Variants in TMTC1 observed in about 807,000 individuals in gnomAD.
TMTC1 encodes transmembrane O-mannosyltransferase targeting cadherins 1.
TMTC1 carries 73 observed loss-of-function variants against 104.8 expected under a neutral mutation model. That is an observed-to-expected ratio of 0.70 (90% CI 0.58 to 0.85). The LOEUF (loss-of-function observed/expected upper bound fraction) is 0.85, where lower values mean the gene tolerates loss of function less well. Among genes scored for constraint, TMTC1 ranks in the 40% least tolerant of loss-of-function variants. TMTC1 has a pLI of 0.00. For missense variants in TMTC1, 1,035 were observed against 1,096.1 expected, an observed-to-expected ratio of 0.94 and a Z score of 0.79; for synonymous variants, 434 against 428.7, an observed-to-expected ratio of 1.01 and a Z score of -0.15.
chr12:29,592,905 G>A (rs1312263719), intron 7 of TMTC1, among the ~76,000 whole-genome samples: 2 of 152,136 alleles, frequency 1.3e-5, no homozygotes, highest in African/African-American at 4.8e-5. Flanking sequence ...TGCATTCCAG[G>A]TAGAAACAGA....
intron 1 of TMTC1, among the ~76,000 whole-genome samples, chr12:29,780,777 G>A (rs985031216): frequency 6.6e-6 from 1 of 152,182 alleles, no homozygotes; most frequent in Non-Finnish European, 1.5e-5. Context: ...ACCATTGGGG[G>A]AAATGGATAG....
At chr12:29,687,546 A>G (rs1433623348) in intron 5 of TMTC1, among the ~76,000 whole-genome samples, 1 of 149,286 alleles carries the variant, frequency 6.7e-6, no homozygotes, top group Non-Finnish European at 1.5e-5. Flanking sequence ...TTATTAAAAC[A>G]ACGGACACAG....
rs1013747648 is a variant in TMTC1 at position 29,506,602 on chromosome 12, G to T, written c.*244C>A. On this transcript the variant is annotated 3_prime_UTR_variant, in exon 18 of 18. Transcript: ENST00000539277. The stretch of plus-strand genomic sequence containing the variant: ...TAAACCAAACAAAAATCTGTAAAAT[G>T]TGTAAATGTCATTCTCCTTCCCTCT... 8.3e-6 allele frequency: 4 copies of T among 481,742 alleles called. No individual in the cohort carries two copies. In the Admixed American group the frequency reaches 1.3e-4, roughly 16 times the overall value. The allele number at this position is 481,742 out of a possible 1,614,324, so 29.8% of individuals were successfully genotyped here. A position where few individuals can be genotyped will look rare whatever the true frequency, so the allele number is the denominator to read the frequency against.
chr12:29,680,411 A>G (rs771520073), intron 5 of TMTC1, among the ~76,000 whole-genome samples: 10 of 152,208 alleles, frequency 6.6e-5, no homozygotes, highest in Non-Finnish European at 1.3e-4. Context: ...TAGAAAATAA[A>G]TAAGATGAGG....
intron 7 of TMTC1, among the ~76,000 whole-genome samples, chr12:29,597,009 C>G (rs1216320134): frequency 6.6e-6 from 1 of 152,132 alleles, no homozygotes; most frequent in Non-Finnish European, 1.5e-5. Flanking sequence ...TCCCAAGTCT[C>G]GCTTCATGAC....
At chr12:29,607,838 T>G (rs1369991822) in intron 6 of TMTC1, among the ~76,000 whole-genome samples, 1 of 152,180 alleles carries the variant, frequency 6.6e-6, no homozygotes, top group Non-Finnish European at 1.5e-5. Context: ...TACAAAGATT[T>G]CTTGAAAACC....
At chr12:29,749,900 C>T (rs1943046751) in intron 5 of TMTC1, among the ~76,000 whole-genome samples, 1 of 152,092 alleles carries the variant, frequency 6.6e-6, no homozygotes, top group South Asian at 2.1e-4. Flanking sequence ...CTCATCTCTT[C>T]ATTGCAGTTT....
chr12:29,664,707 G>A (rs1361335825), intron 5 of TMTC1, among the ~76,000 whole-genome samples: 3 of 152,176 alleles, frequency 2.0e-5, no homozygotes, highest in African/African-American at 7.2e-5. Context: ...TCTAAAGGAG[G>A]AGAACATAAA....
At chr12:29,775,575 TG>T (rs1346175021) in intron 1 of TMTC1, among the ~76,000 whole-genome samples, 1 of 152,182 alleles carries the variant, frequency 6.6e-6, no homozygotes, top group African/African-American at 2.4e-5. Context: ...TGAGCATAAA[TG>T]TTCTATTTCT....
At chr12:29,580,123 C>G (rs921936417) in intron 8 of TMTC1, among the ~76,000 whole-genome samples, 1 of 152,090 alleles carries the variant, frequency 6.6e-6, no homozygotes, top group African/African-American at 2.4e-5. Context: ...TAGAGACCAG[C>G]CTGGGCAACA....
At chr12:29,752,730 A>T (rs1046865410) in intron 4 of TMTC1, among the ~76,000 whole-genome samples, 3 of 152,230 alleles carry the variant, frequency 2.0e-5, no homozygotes, top group African/African-American at 7.2e-5. Context: ...AAATGAAAAA[A>T]AAAAGCAAGT....
intron 5 of TMTC1, among the ~76,000 whole-genome samples, chr12:29,744,329 A>C (rs911060110): frequency 2.6e-5 from 4 of 152,264 alleles, no homozygotes; most frequent in Non-Finnish European, 1.5e-5. Context: ...CAGCACACCA[A>C]CATGGCACAT....
chr12:29,596,294 ACTGTGC>A (rs1465796469), intron 7 of TMTC1, among the ~76,000 whole-genome samples: 1 of 152,188 alleles, frequency 6.6e-6, no homozygotes, highest in East Asian at 1.9e-4. Flanking sequence ...GGTGTGACCC[ACTGTGC>A]CTGGCTGACG....
In TMTC1 at chr12:29,771,926, A is replaced by T. The variant is rs368737310; in HGVS notation, c.303-3851T>A. On this transcript the variant is annotated intron_variant, in intron 1 of 17. Transcript: ENST00000539277. ...TTGCCATATTTATGGCTACATCCAC[A>T]GTGTCTAGCACAATGCCTCATTCAT... Among the ~76,000 whole-genome samples the T allele has an allele frequency of 7.1e-3, 1,082 of 152,324 alleles. 11 individuals are homozygous for T. Among genetic ancestry groups the T allele is most frequent in the African/African-American group, 0.024 (1,007 of 41,574 alleles).
At chr12:29,618,062 G>A (rs149091233) in intron 6 of TMTC1, among the ~76,000 whole-genome samples, 12 of 152,330 alleles carry the variant, frequency 7.9e-5, no homozygotes, top group African/African-American at 2.9e-4. Flanking sequence ...CGGTGGCTTG[G>A]ACAGGGTAAA....
Position 29,691,567 on chromosome 12 carries a change from C to T in TMTC1, c.939-58231G>A, listed in dbSNP as rs1050033447. On this transcript the variant is annotated intron_variant, in intron 5 of 17. Transcript: ENST00000539277. Reference sequence around the variant, plus strand: ...CAAGGTGAAACCCGTTGGGTGGTTACAGTGACTGTCAAACTGACCATTACC... The same window carrying T: ...CAAGGTGAAACCCGTTGGGTGGTTATAGTGACTGTCAAACTGACCATTACC... Among the ~76,000 whole-genome samples the T allele has an allele frequency of 9.9e-5, 14 of 141,318 alleles. 1 individual carries two copies. Among genetic ancestry groups the T allele is most frequent in the African/African-American group, 3.6e-4 (14 of 38,772 alleles). The allele number at this position is 141,318 out of a possible 152,430, so 92.7% of individuals were successfully genotyped here. A position where few individuals can be genotyped will look rare whatever the true frequency, so the allele number is the denominator to read the frequency against.
At chr12:29,645,987 C>G (rs1437900839) in intron 5 of TMTC1, among the ~76,000 whole-genome samples, 1 of 152,222 alleles carries the variant, frequency 6.6e-6, no homozygotes, top group Non-Finnish European at 1.5e-5. Flanking sequence ...TCAATTCCCA[C>G]TGCAAGCATA....
rs565952311 is a variant in TMTC1, at chr12:29,524,567, T to C, written c.1786-3847A>G. 6.6e-5 allele frequency among the ~76,000 whole-genome samples: 10 copies of C among 152,298 alleles called. No homozygotes were observed. In the East Asian group the frequency reaches 1.9e-3, roughly 29 times the overall value. Reference sequence around the variant, plus strand: ...TATTATGAGGGATGAATTGTAATCATTATCTCCTTTAAATTATGGGAAAAG... The same window carrying C: ...TATTATGAGGGATGAATTGTAATCACTATCTCCTTTAAATTATGGGAAAAG... On this transcript the variant is annotated intron_variant, in intron 11 of 17. Coordinates refer to ENST00000539277, the MANE Select transcript of TMTC1 (RefSeq NM_001193451.2).
rs1196004161 is a variant in TMTC1, at chr12:29,783,885, G to C, written c.-134C>G. ...GTGCTGCGGCAGCTGGACCCGCCGC[G>C]AGCTCCCCGCGCTCCGCCGCCGCCT... On this transcript the variant is annotated 5_prime_UTR_variant, in exon 1 of 18. Transcript: ENST00000539277. This position sits in a 1 kb window ranked among gnomAD's most constrained non-coding sequence, Gnocchi z 4.7. 1.1e-6 allele frequency: 1 copy of C among 881,734 alleles called. No homozygotes were observed. Among genetic ancestry groups the C allele is most frequent in the Admixed American group, 5.6e-5 (1 of 17,858 alleles). 54.6% of individuals were successfully genotyped at this position (881,734 alleles called of 1,614,324 possible). A position where few individuals can be genotyped will look rare whatever the true frequency, so the allele number is the denominator to read the frequency against.
Sources: allele counts gnomAD v4.1 joint callset (sites outside exome capture counted in the v4.1 genomes callset), GRCh38; gene constraint gnomAD v4.1.1; non-coding constraint Gnocchi (gnomAD v3.1); transcripts MANE v1.5; gene names NCBI Gene and HGNC (gene_info 2026-07-23, HGNC 2026-07-21).